The following MED26 variants were observed in gnomAD, a reference collection of about 807,000 sequenced individuals.
MED26 encodes mediator complex subunit 26.
In MED26, 7 loss-of-function variants were observed where a neutral mutation model predicts 43.7. That is an observed-to-expected ratio of 0.16 (90% CI 0.09 to 0.30). The LOEUF is 0.30. Ranked by LOEUF, MED26 falls within the 10% of genes least tolerant of loss-of-function variation. The probability of loss-of-function intolerance (pLI) is 1.00; values close to 1 mark genes in which losing one functional copy is unlikely to be tolerated. For missense variants in MED26, 784 were observed against 840.6 expected, an observed-to-expected ratio of 0.93 and a Z score of 0.83; for synonymous variants, 375 against 371.1, an observed-to-expected ratio of 1.01 and a Z score of -0.12.
chr19:16,623,347 T>A (rs964031875), intron 1 of MED26, among the ~76,000 whole-genome samples: 3 of 152,160 alleles, frequency 2.0e-5, no homozygotes, highest in African/African-American at 7.2e-5. Flanking sequence ...CATTTACATG[T>A]TTGGGTTTAG....
At position 16,577,285 on chromosome 19, in the gene MED26, G is replaced by A; in HGVS notation, c.545C>T (p.Thr182Ile). Residue 182 changes from threonine (T) to isoleucine (I), a missense_variant, in exon 3 of 3, where the codon ACC (threonine) becomes ATC (isoleucine). By Grantham distance (89) the Thr-to-Ile change is moderately conservative. Transcript: ENST00000263390. This position sits in a 1 kb window ranked among gnomAD's most constrained non-coding sequence, Gnocchi z 8.1. The stretch of plus-strand genomic sequence containing the variant: ...CTCTGGACTCCCACTGATCCCGTTG[G>A]TGGGGAGGGGGGATGAGTTGGGGAC... The part of the protein sequence containing the change: ...PLVPNSSPLP[T>I]NGISGSPESF... 1 of 1,611,668 alleles carries A rather than the reference G, an allele frequency of 6.2e-7. No individual in the cohort carries two copies. Among genetic ancestry groups the A allele is most frequent in the Middle Eastern group, 1.7e-4 (1 of 6,056 alleles).
chr19:16,622,548 C>T (rs1433370891), intron 1 of MED26, among the ~76,000 whole-genome samples: 4 of 152,196 alleles, frequency 2.6e-5, no homozygotes, highest in African/African-American at 9.7e-5. Flanking sequence ...ATGGCAAATC[C>T]ACACCCTGCT....
chr19:16,581,137 C>T lies in MED26; in HGVS notation c.73-2728G>A, dbSNP rs566924224. On this transcript the variant is annotated intron_variant, in intron 1 of 2. Transcript: ENST00000263390. ...GTTGCAGAGCCACGACAGCAGTCCC[C>T]GCAGAACTCCCACAAAGCTGCCCTG... Among the ~76,000 whole-genome samples, 9 of 152,312 alleles carry T rather than the reference C, an allele frequency of 5.9e-5. No homozygotes were observed. The South Asian group carries it at 1.2e-3, about 21-fold the overall frequency.
In MED26 at chr19:16,627,847, C is replaced by G. The variant is rs565748547; in HGVS notation, c.72+25G>C. The G allele has an allele frequency of 3.1e-4, 449 of 1,469,436 alleles. 1 individual carries two copies. In the Middle Eastern group the frequency reaches 3.4e-3, roughly 11 times the overall value. The allele number at this position is 1,469,436 out of a possible 1,614,324, so 91.0% of individuals were successfully genotyped here. A position where few individuals can be genotyped will look rare whatever the true frequency, so the allele number is the denominator to read the frequency against. On this transcript the variant is annotated intron_variant, in intron 1 of 2. Coordinates refer to ENST00000263390, the MANE Select transcript of MED26 (RefSeq NM_004831.5). Reference sequence around the variant, plus strand: ...GGTCCCGGGCCCATGCGGCCTCCGTCCCAGCTCGCGCGGCGGGTACTTACG... The same window carrying G: ...GGTCCCGGGCCCATGCGGCCTCCGTGCCAGCTCGCGCGGCGGGTACTTACG...
At chr19:16,624,815 T>C (rs1044494220) in intron 1 of MED26, among the ~76,000 whole-genome samples, 6 of 152,182 alleles carry the variant, frequency 3.9e-5, no homozygotes, top group South Asian at 2.1e-4. Flanking sequence ...CCAAGATGGA[T>C]GCTAGGGTTC....
rs778558766 is a variant in MED26 at position 16,576,974 on chromosome 19, G to A, written c.856C>T (p.Arg286Trp). The A allele has an allele frequency of 7.5e-6, 12 of 1,601,598 alleles. No individual in the cohort carries two copies. The highest frequency in any genetic ancestry group is 6.7e-5 in the Admixed American group (4 of 59,406). Reference protein sequence around the residue: ...RNSRHEGSFARQQSLYAPKGS... With the variant: ...RNSRHEGSFAWQQSLYAPKGS... ...TTGGGTGCATACAAGCTCTGCTGCC[G>A]GGCAAAGGAGCCCTCATGCCGTGAG... Residue 286 changes from arginine (R) to tryptophan (W), a missense_variant, in exon 3 of 3, where the codon CGG becomes TGG. Coordinates refer to ENST00000263390, the MANE Select transcript of MED26 (RefSeq NM_004831.5). The surrounding 1 kb of genome is among the most constrained non-coding windows in gnomAD (Gnocchi z 6.8).
In MED26 at chr19:16,577,566, G is replaced by C. The variant is rs1220105900; in HGVS notation, c.264C>G (p.His88Gln). 6.2e-7 allele frequency: 1 copy of C among 1,609,740 alleles called. No homozygotes were observed. The highest frequency in any genetic ancestry group is 8.5e-7 in the Non-Finnish European group (1 of 1,177,174). ...RSWQKLIEPAHQHEAALRGLA... is the reference protein window; with the variant it reads ...RSWQKLIEPAQQHEAALRGLA... ...GCCCCCGCAGCGCCGCCTCATGCTG[G>C]TGTGCCGGCTCGATGAGCTTCTGCC... The change falls in exon 3 of 3, where the codon CAC becomes CAG. Residue 88 changes from histidine (H) to glutamine (Q), a missense_variant. His to Gln is a conservative substitution (Grantham distance 24, BLOSUM62 0). Around this residue, in one of 3 missense-constraint regions of MED26, gnomAD observed 719 missense variants for 730.9 expected, o/e 0.98. Coordinates refer to ENST00000263390, the MANE Select transcript of MED26 (RefSeq NM_004831.5). The surrounding 1 kb of genome is among the most constrained non-coding windows in gnomAD (Gnocchi z 8.1).
intron 1 of MED26, among the ~76,000 whole-genome samples, chr19:16,590,018 C>T (rs1047375578): frequency 6.6e-6 from 1 of 152,264 alleles, no homozygotes; most frequent in Non-Finnish European, 1.5e-5. Flanking sequence ...CACTTCACTG[C>T]TCACTGAGAA....
At chr19:16,585,461 A>C (rs2086066482) in intron 1 of MED26, among the ~76,000 whole-genome samples, 1 of 152,094 alleles carries the variant, frequency 6.6e-6, no homozygotes, top group South Asian at 2.1e-4. Flanking sequence ...CTCTTCCAGA[A>C]GGGGAGAAAC....
chr19:16,578,439 C>G, intron 1 of MED26, 30 bp from the exon 2 acceptor site: 1 of 1,609,062 alleles, frequency 6.2e-7, no homozygotes, highest in Non-Finnish European at 8.5e-7. Flanking sequence ...TTTGTCAGGT[C>G]CCTGTCCTTC....
intron 1 of MED26, among the ~76,000 whole-genome samples, chr19:16,606,617 T>C (rs1187577678): frequency 2.6e-5 from 4 of 152,060 alleles, no homozygotes; most frequent in Non-Finnish European, 5.9e-5. Context: ...GTTTCCATTT[T>C]TTGGAGGGGA....
chr19:16,622,396 G>C (rs1356925570), intron 1 of MED26, among the ~76,000 whole-genome samples: 1 of 152,210 alleles, frequency 6.6e-6, no homozygotes, highest in Non-Finnish European at 1.5e-5. Context: ...ACGAGCACTT[G>C]CTAATCAGTT....
In MED26 at chr19:16,628,198, C is replaced by T; in HGVS notation, c.-255G>A. The stretch of plus-strand genomic sequence containing the variant: ...CGCTGCCGCCGCCTCGAGAACCAAA[C>T]TCCAGTGAGCTGCCCCCGCGCGGAG... On this transcript the variant is annotated 5_prime_UTR_variant, in exon 1 of 3. Transcript: ENST00000263390. The T allele has an allele frequency of 2.9e-6, 1 of 344,480 alleles. No individual in the cohort carries two copies. Among genetic ancestry groups the T allele is most frequent in the East Asian group, 4.5e-5 (1 of 22,186 alleles). The allele number at this position is 344,480 out of a possible 1,614,324, so 21.3% of individuals were successfully genotyped here. A position where few individuals can be genotyped will look rare whatever the true frequency, so the allele number is the denominator to read the frequency against.
At position 16,584,209 on chromosome 19, in the gene MED26, C is replaced by T. The variant is rs965901484; in HGVS notation, c.73-5800G>A. Among the ~76,000 whole-genome samples the T allele has an allele frequency of 4.6e-5, 7 of 150,804 alleles. No homozygotes were observed. The South Asian group carries it at 6.3e-4, about 14-fold the overall frequency. ...CGGAGGTTGCAATGAGCTGAGATCACGCCACTGCACTCCAGCCTCGGTGAC... is the reference window on the plus strand; with the variant it reads ...CGGAGGTTGCAATGAGCTGAGATCATGCCACTGCACTCCAGCCTCGGTGAC... On this transcript the variant is annotated intron_variant, in intron 1 of 2. Coordinates refer to ENST00000263390, the MANE Select transcript of MED26 (RefSeq NM_004831.5).
intron 1 of MED26, among the ~76,000 whole-genome samples, chr19:16,601,213 T>C (rs2086147678): frequency 6.6e-6 from 1 of 150,750 alleles, no homozygotes; most frequent in South Asian, 2.1e-4. Flanking sequence ...TGGAATGCAA[T>C]GGCATGAACT....
Position 16,586,756 on chromosome 19 carries a change from G to A in MED26, c.73-8347C>T, listed in dbSNP as rs1206902790. The A allele has an allele frequency of 1.3e-5, 2 of 152,264 alleles. No homozygotes were observed. Among genetic ancestry groups the A allele is most frequent in the Non-Finnish European group, 2.9e-5 (2 of 68,076 alleles). 9.4% of individuals were successfully genotyped at this position (152,264 alleles called of 1,614,324 possible). ...AGCCTTCCTGACCACCCTGGACGGT[G>A]GGCGGCACTGCCCTGGCAGCCTGTG... On this transcript the variant is annotated intron_variant, in intron 1 of 2. Transcript: ENST00000263390. This position sits in a 1 kb window ranked among gnomAD's most constrained non-coding sequence, Gnocchi z 5.1.
chr19:16,595,006 G>C (rs2086113853), intron 1 of MED26, among the ~76,000 whole-genome samples: 1 of 152,098 alleles, frequency 6.6e-6, no homozygotes, highest in Non-Finnish European at 1.5e-5. Flanking sequence ...CCTGAACTCT[G>C]CTCCTGCCGG....
chr19:16,600,236 C>T (rs1449828964), intron 1 of MED26, among the ~76,000 whole-genome samples: 1 of 151,946 alleles, frequency 6.6e-6, no homozygotes, highest in Non-Finnish European at 1.5e-5. Context: ...ATGGGCTCTA[C>T]TTCCACCTCC....
At chr19:16,619,582 C>G (rs1290802493) in intron 1 of MED26, among the ~76,000 whole-genome samples, 1 of 152,144 alleles carries the variant, frequency 6.6e-6, no homozygotes, top group Non-Finnish European at 1.5e-5. Flanking sequence ...GAGTGCACTA[C>G]CGTGCTGAAG....
Sources: gnomAD v4.1 joint callset for allele counts (sites outside exome capture counted in the v4.1 genomes callset) on GRCh38, gnomAD v4.1.1 for gene constraint, gnomAD v4.1.1 regional missense constraint, Gnocchi (gnomAD v3.1) non-coding constraint, MANE v1.5 for transcripts, NCBI Gene and HGNC (gene_info 2026-07-23, HGNC 2026-07-21) for gene names.